The following LUC7L2 variants were observed in gnomAD, a reference collection of about 807,000 sequenced individuals.
LUC7L2 encodes LUC7 like 2, pre-mRNA splicing factor.
A neutral mutation model predicts 52.8 loss-of-function variants in LUC7L2; 25 were observed. The observed-to-expected ratio is 0.47, with a 90% CI of 0.34 to 0.66. LUC7L2 has a LOEUF of 0.66. Ranked by LOEUF, LUC7L2 falls within the 30% of genes least tolerant of loss-of-function variation. LUC7L2 has a pLI of 0.01. For synonymous variants in LUC7L2, 144 were observed against 160.9 expected, an observed-to-expected ratio of 0.89 and a Z score of 0.80; for missense variants, 328 against 497.8, an observed-to-expected ratio of 0.66 and a Z score of 3.25.
chr7:139,405,540 T>TA, intron 4 of LUC7L2, 104 bp from the exon 5 acceptor site: 1 of 1,367,790 alleles, frequency 7.3e-7, no homozygotes. Context: ...TTTAACCACA[T>TA]ACTGCCTTAG....
chr7:139,400,272 C>T (rs1201056365), intron 3 of LUC7L2, among the ~76,000 whole-genome samples: 1 of 152,006 alleles, frequency 6.6e-6, no homozygotes, highest in East Asian at 1.9e-4. Flanking sequence ...TTTGGGAGGC[C>T]GAGGCAGGGG....
intron 1 of LUC7L2, chr7:139,371,539 AGGGAGAGGGTGGGTAGTACTGGG>A: frequency 1.8e-6 from 1 of 567,370 alleles, no homozygotes; most frequent in Non-Finnish European, 3.1e-6. Context: ...TTTGTATGGG[AGGGAGAGGGTGGGTAGTACTGGG>A]GGGAGGGGGC....
intron 3 of LUC7L2, among the ~76,000 whole-genome samples, chr7:139,399,225 C>T (rs9642120): frequency 0.38 from 58,297 of 151,800 alleles, 15,594 homozygotes; most frequent in African/African-American, 0.76. Context: ...TATTATTCCC[C>T]AAACATTACA....
intron 9 of LUC7L2, among the ~76,000 whole-genome samples, chr7:139,418,452 G>A (rs1029622982): frequency 6.6e-6 from 1 of 152,208 alleles, no homozygotes; most frequent in African/African-American, 2.4e-5. Context: ...CGTAAGCCAT[G>A]TTTAAAATTG....
chr7:139,359,905 G>A lies in LUC7L2; in HGVS notation c.-357G>A. The A allele has an allele frequency of 2.4e-6, 1 of 416,864 alleles. No homozygotes were observed. Among genetic ancestry groups the A allele is most frequent in the Non-Finnish European group, 4.3e-6 (1 of 235,262 alleles). 25.8% of individuals were successfully genotyped at this position (416,864 alleles called of 1,614,324 possible). A position where few individuals can be genotyped will look rare whatever the true frequency, so the allele number is the denominator to read the frequency against. ...CGAGGAGCGTGCGCGCTCCCGTCGT[G>A]GCGACGGTGGCGGCGAGCGGCGTCA... On this transcript the variant is annotated 5_prime_UTR_variant, in exon 1 of 10. Coordinates refer to ENST00000354926, the MANE Select transcript of LUC7L2 (RefSeq NM_016019.5).
upstream of LUC7L2, among the ~76,000 whole-genome samples, chr7:139,355,884 T>A (rs1799590679): frequency 6.6e-6 from 1 of 152,184 alleles, no homozygotes; most frequent in African/African-American, 2.4e-5. Context: ...AACGAATGAA[T>A]GAAAACTCAT....
At chr7:139,343,039 C>T (rs1040694250) in intron 1 of LUC7L2, among the ~76,000 whole-genome samples, 11 of 152,190 alleles carry the variant, frequency 7.2e-5, no homozygotes, top group African/African-American at 2.4e-4. Context: ...ATACAGTGTT[C>T]TATTTCATTT....
At chr7:139,420,308 A>ATTC (rs1795838596) in intron 9 of LUC7L2, among the ~76,000 whole-genome samples, 1 of 152,032 alleles carries the variant, frequency 6.6e-6, no homozygotes, top group African/African-American at 2.4e-5. Flanking sequence ...GGTTCAAGCG[A>ATTC]TTCTTTTGCC....
chr7:139,362,999 A>G (rs1472456797), intron 1 of LUC7L2, among the ~76,000 whole-genome samples: 1 of 152,164 alleles, frequency 6.6e-6, no homozygotes, highest in African/African-American at 2.4e-5. Flanking sequence ...ATCACTGGGC[A>G]CTTCAAGAAA....
chr7:139,366,079 T>C (rs1361311805), intron 1 of LUC7L2, among the ~76,000 whole-genome samples: 1 of 152,258 alleles, frequency 6.6e-6, no homozygotes, highest in Non-Finnish European at 1.5e-5. Context: ...CTTAGGACTT[T>C]GAGAAGTCAA....
chr7:139,371,635 G>T (rs903403360), intron 1 of LUC7L2, among the ~76,000 whole-genome samples: 1 of 152,164 alleles, frequency 6.6e-6, no homozygotes, highest in African/African-American at 2.4e-5. Context: ...GGCTAAGGTT[G>T]TAATGTTACT....
chr7:139,381,392 A>T (rs1242553780), intron 2 of LUC7L2, among the ~76,000 whole-genome samples: 3 of 110,602 alleles, frequency 2.7e-5, no homozygotes, highest in Admixed American at 1.8e-4. Flanking sequence ...TTTATTTTTT[A>T]TTTTATTTTA....
At chr7:139,369,847 C>T (rs1800352663) in intron 1 of LUC7L2, among the ~76,000 whole-genome samples, 1 of 152,162 alleles carries the variant, frequency 6.6e-6, no homozygotes, top group Non-Finnish European at 1.5e-5. Flanking sequence ...TGATTATAAA[C>T]TTATGGGACC....
chr7:139,345,919 T>A (rs1033409082), intron 1 of LUC7L2: 31 of 437,792 alleles, frequency 7.1e-5, no homozygotes, highest in Middle Eastern at 6.6e-4. Flanking sequence ...CTTAAAAAAA[T>A]TTTTTTATAT....
intron 1 of LUC7L2, chr7:139,346,317 C>G (rs576100575): frequency 6.6e-6 from 1 of 152,070 alleles, no homozygotes; most frequent in East Asian, 1.9e-4. Context: ...AAAAGAAACC[C>G]TCTTTTCCTT....
At chr7:139,407,153 G>A in intron 5 of LUC7L2, 21 bp from the exon 6 acceptor site, 1 of 1,598,486 alleles carries the variant, frequency 6.3e-7, no homozygotes. Flanking sequence ...TATGGTCATT[G>A]TTTTTCTCAC....
intron 1 of LUC7L2, chr7:139,374,730 T>C: frequency 7.7e-7 from 1 of 1,292,146 alleles, no homozygotes; most frequent in East Asian, 3.0e-5. Context: ...CAAATTAGAA[T>C]GTTTTAAAAA....
At chr7:139,366,711 TTGA>T (rs1338273790) in intron 1 of LUC7L2, among the ~76,000 whole-genome samples, 6 of 152,258 alleles carry the variant, frequency 3.9e-5, no homozygotes, top group Non-Finnish European at 4.4e-5. Flanking sequence ...CAAAAGCTTG[TTGA>T]TCACCATTCT....
At chr7:139,411,192 C>A (rs1255164766) in intron 7 of LUC7L2, among the ~76,000 whole-genome samples, 2 of 152,082 alleles carry the variant, frequency 1.3e-5, no homozygotes, top group Non-Finnish European at 2.9e-5. Context: ...CATCTTACTC[C>A]TTTGTTTGCC....
Sources: allele counts gnomAD v4.1 joint callset (sites outside exome capture counted in the v4.1 genomes callset), GRCh38; gene constraint gnomAD v4.1.1; transcripts MANE v1.5; gene names NCBI Gene and HGNC (gene_info 2026-07-23, HGNC 2026-07-21).